The following CLIC5 variants were observed in gnomAD, a reference collection of about 807,000 sequenced individuals.
CLIC5 encodes chloride intracellular channel protein 5.
Under a neutral mutation model 24.7 loss-of-function variants are expected in CLIC5, and 20 were observed. That is an observed-to-expected ratio of 0.81 (90% CI 0.57 to 1.18). CLIC5 has a LOEUF of 1.18. Ranked by LOEUF, CLIC5 falls within the 50% of genes most tolerant of loss-of-function variation. The pLI is 0.00. For synonymous variants in CLIC5, 159 were observed against 135.6 expected (o/e 1.17, Z -1.20); for missense variants, 341 against 326.1 (o/e 1.05, Z -0.35).
the CLIC5 span, among the ~76,000 whole-genome samples, chr6:46,126,764 A>G: frequency 1.3e-5 from 2 of 152,200 alleles, no homozygotes; most frequent in African/African-American, 4.8e-5. Flanking sequence ...TTGTTTAATT[A>G]GAACTGAGCA....
chr6:45,948,244 A>T (rs1764350997), intron 3 of CLIC5, among the ~76,000 whole-genome samples: 1 of 152,172 alleles, frequency 6.6e-6, no homozygotes, highest in Non-Finnish European at 1.5e-5. Flanking sequence ...GTCAAATCTC[A>T]CTAACTTTAC....
chr6:46,072,236 GA>G (rs201677732), intron 1 of CLIC5, among the ~76,000 whole-genome samples: 22,661 of 108,232 alleles, frequency 0.21, 1,840 homozygotes, highest in South Asian at 0.33. Context: ...GAACTTAAAA[GA>G]AAAAAAAAAA....
At chr6:45,893,239 TTTTG>T (rs1336630774) in intron 6 of CLIC5, among the ~76,000 whole-genome samples, 1 of 150,060 alleles carries the variant, frequency 6.7e-6, no homozygotes, top group Non-Finnish European at 1.5e-5. Flanking sequence ...GGTTTTTTTT[TTTTG>T]TTTTAAGAAT....
At chr6:46,088,162 T>TGTGTGTGTGG in the CLIC5 span, among the ~76,000 whole-genome samples, 1 of 24,084 alleles carries the variant, frequency 4.2e-5, no homozygotes, top group Non-Finnish European at 8.6e-5. Context: ...GCTCTCTTTC[T>TGTGTGTGTGG]GTGTGTGTGT....
the CLIC5 span, among the ~76,000 whole-genome samples, chr6:46,112,318 T>C: frequency 6.6e-6 from 1 of 152,100 alleles, no homozygotes; most frequent in Non-Finnish European, 1.5e-5. Flanking sequence ...AAAAGAAACA[T>C]TTACCATCTA....
the CLIC5 span, chr6:46,129,452 G>T: frequency 3.9e-5 from 6 of 152,332 alleles, no homozygotes; most frequent in South Asian, 1.2e-3. Context: ...CTCATTACTG[G>T]TTCCCTGCCG....
the CLIC5 span, among the ~76,000 whole-genome samples, chr6:46,095,742 T>G: frequency 6.6e-6 from 1 of 152,216 alleles, no homozygotes; most frequent in African/African-American, 2.4e-5. Flanking sequence ...GTCCCAAACT[T>G]TCCCCCGTCT....
In CLIC5 at chr6:45,932,387, G is replaced by A. The variant is rs139828459; in HGVS notation, c.406+9160C>T. Among the ~76,000 whole-genome samples, 923 of 152,340 alleles carry A rather than the reference G, an allele frequency of 6.1e-3. 7 individuals carry two copies. Among genetic ancestry groups the A allele is most frequent in the African/African-American group, 0.021 (876 of 41,586 alleles). ...CTCCCAAAGTGCTGGGATTACAGGC[G>A]TGAGCCACCATGCCCGGCCTAATTG... On this transcript the variant is annotated intron_variant, in intron 4 of 5. Coordinates refer to ENST00000339561, the MANE Select transcript of CLIC5 (RefSeq NM_016929.5).
chr6:46,079,916 C>T (rs1453549883), exon 1 of CLIC5: 1 of 1,551,786 alleles, frequency 6.4e-7, no homozygotes, highest in African/African-American at 1.4e-5. Context: ...ATGAATATAA[C>T]CCTTCCATTG....
At chr6:45,973,788 G>A (rs1765283193) in intron 1 of CLIC5, among the ~76,000 whole-genome samples, 1 of 152,086 alleles carries the variant, frequency 6.6e-6, no homozygotes, top group Non-Finnish European at 1.5e-5. Context: ...AAATTAGCTG[G>A]GGGTGGTGGC....
chr6:46,117,822 C>CT, the CLIC5 span, among the ~76,000 whole-genome samples: 2 of 151,982 alleles, frequency 1.3e-5, no homozygotes, highest in Non-Finnish European at 2.9e-5. Context: ...TTTTTTTTCA[C>CT]ATTTTAATGT....
At chr6:46,108,569 T>C in the CLIC5 span, among the ~76,000 whole-genome samples, 1 of 152,212 alleles carries the variant, frequency 6.6e-6, no homozygotes, top group South Asian at 2.1e-4. Flanking sequence ...GCTGATTTTT[T>C]TGTATTTTTA....
chr6:45,944,359 T>C (rs1472642467), intron 3 of CLIC5, among the ~76,000 whole-genome samples: 1 of 152,070 alleles, frequency 6.6e-6, no homozygotes, highest in Non-Finnish European at 1.5e-5. Flanking sequence ...ACAGTGTCAC[T>C]GTGGAATTGT....
chr6:46,009,722 G>A (rs1044693371), intron 1 of CLIC5, among the ~76,000 whole-genome samples: 2 of 152,166 alleles, frequency 1.3e-5, no homozygotes, highest in East Asian at 3.9e-4. Context: ...TGAGGAAGGG[G>A]TAGTAAAATC....
At chr6:46,077,029 C>T (rs769575424) in intron 1 of CLIC5, among the ~76,000 whole-genome samples, 1 of 151,622 alleles carries the variant, frequency 6.6e-6, no homozygotes, top group East Asian at 1.9e-4. Context: ...CTAAGCTACT[C>T]GGGAGGCAGA....
rs1263992143 is a variant in CLIC5 at position 45,969,791 on chromosome 6, T to A, written c.64-14547A>T. Among the ~76,000 whole-genome samples, 5 of 143,210 alleles carry A rather than the reference T, an allele frequency of 3.5e-5. No individual in the cohort carries two copies. In the Admixed American group the frequency reaches 3.6e-4, roughly 10 times the overall value. 94.0% of individuals were successfully genotyped at this position (143,210 alleles called of 152,430 possible). A position where few individuals can be genotyped will look rare whatever the true frequency, so the allele number is the denominator to read the frequency against. Reference sequence around the variant, plus strand: ...TGAATGGTATGGATTCACATTCACATCAAGGTTTTTTTTTTTTTTTTTTTT... The same window carrying A: ...TGAATGGTATGGATTCACATTCACAACAAGGTTTTTTTTTTTTTTTTTTTT... On this transcript the variant is annotated intron_variant, in intron 1 of 5. Transcript: ENST00000339561.
intron 5 of CLIC5, chr6:45,912,756 T>C (rs1252560103): frequency 1.3e-6 from 2 of 1,495,542 alleles, no homozygotes; most frequent in Non-Finnish European, 9.0e-7. Context: ...AGAAGAAGAA[T>C]AAAGGATGAT....
intron 4 of CLIC5, among the ~76,000 whole-genome samples, chr6:45,931,685 A>C (rs1320193917): frequency 6.6e-6 from 1 of 152,160 alleles, no homozygotes; most frequent in Non-Finnish European, 1.5e-5. Flanking sequence ...TTGAGATGGA[A>C]TCTTGCTCTG....
the CLIC5 span, chr6:46,097,172 G>A: frequency 6.6e-6 from 1 of 152,188 alleles, no homozygotes; most frequent in East Asian, 1.9e-4. Context: ...GATGTCTGTA[G>A]TTGACAGTGC....
Sources: allele counts gnomAD v4.1 joint callset (sites outside exome capture counted in the v4.1 genomes callset), GRCh38; gene constraint gnomAD v4.1.1; transcripts MANE v1.5; gene names NCBI Gene and HGNC (gene_info 2026-07-23, HGNC 2026-07-21).